VTI1A: variants seen among roughly 807,000 people sequenced by gnomAD.
VTI1A encodes vesicle transport through interaction with t-SNAREs 1A.
A neutral mutation model predicts 34.9 loss-of-function variants in VTI1A; 22 were observed. The ratio of observed to expected loss-of-function variants is 0.63; its 90% CI spans 0.45 to 0.90. The LOEUF (loss-of-function observed/expected upper bound fraction) is 0.90, where lower values mean the gene tolerates loss of function less well. VTI1A is among the 40% of genes least tolerant of loss of function. The probability of loss-of-function intolerance (pLI) is 0.00; values close to 1 mark genes in which losing one functional copy is unlikely to be tolerated. For synonymous variants in VTI1A, 87 were observed against 97.3 expected, an observed-to-expected ratio of 0.89 and a Z score of 0.62; for missense variants, 268 against 275.6, an observed-to-expected ratio of 0.97 and a Z score of 0.20.
chr10:112,656,108 C>T (rs527411307), intron 5 of VTI1A, among the ~76,000 whole-genome samples: 7 of 152,258 alleles, frequency 4.6e-5, no homozygotes, highest in South Asian at 4.2e-4. Context: ...GAAAAGGTCC[C>T]GGTGCCATAG....
At chr10:112,646,911 A>G (rs1179399233) in intron 5 of VTI1A, among the ~76,000 whole-genome samples, 4 of 152,228 alleles carry the variant, frequency 2.6e-5, no homozygotes, top group African/African-American at 9.6e-5. Flanking sequence ...TTCCATTCAT[A>G]TCATTCTACT....
chr10:112,776,939 A>C (rs1851971143), intron 7 of VTI1A, among the ~76,000 whole-genome samples: 1 of 152,066 alleles, frequency 6.6e-6, no homozygotes, highest in Admixed American at 6.6e-5. Context: ...TGGCCTCCCA[A>C]AGTGCTGGGA....
At chr10:112,845,305 G>C in the VTI1A span, among the ~76,000 whole-genome samples, 1 of 152,182 alleles carries the variant, frequency 6.6e-6, no homozygotes, top group Non-Finnish European at 1.5e-5. Context: ...CACAGACCTC[G>C]CCTGCTGATT....
intron 7 of VTI1A, among the ~76,000 whole-genome samples, chr10:112,723,275 C>T (rs910269508): frequency 6.6e-6 from 1 of 152,172 alleles, no homozygotes; most frequent in African/African-American, 2.4e-5. Context: ...AGAAAAAGTG[C>T]TCTTCCCTGT....
At chr10:112,565,606 T>C (rs1296403547) in intron 5 of VTI1A, among the ~76,000 whole-genome samples, 1 of 152,212 alleles carries the variant, frequency 6.6e-6, no homozygotes, top group East Asian at 1.9e-4. Context: ...CGACTGGCTG[T>C]AGTTTGCTCC....
chr10:112,643,347 A>G (rs1314107955), intron 5 of VTI1A, among the ~76,000 whole-genome samples: 1 of 151,992 alleles, frequency 6.6e-6, no homozygotes, highest in Non-Finnish European at 1.5e-5. Flanking sequence ...TGAGACATAT[A>G]AGTCAGTGAT....
intron 5 of VTI1A, among the ~76,000 whole-genome samples, chr10:112,629,073 A>C (rs896405604): frequency 6.6e-5 from 10 of 152,168 alleles, no homozygotes; most frequent in African/African-American, 2.2e-4. Flanking sequence ...CCATGTTGTC[A>C]GTTGAATAGA....
rs143844379 is a variant in VTI1A, at chr10:112,780,273, A to AAAATAAATAAAT, written c.561-34977_561-34966dup. ...GAGACAGAGCAAGACCCTGTCTCTAAAAATAAATAAATAAATAAATAAATA... is the reference window on the plus strand; with the variant it reads ...GAGACAGAGCAAGACCCTGTCTCTAAAAATAAATAAATAAATAAATAAATAAATAAATAAATA... On this transcript the variant is annotated intron_variant, in intron 7 of 7. Transcript: ENST00000393077. Among the ~76,000 whole-genome samples the AAAATAAATAAAT allele has an allele frequency of 5.7e-3, 787 of 138,260 alleles. 6 individuals are homozygous for AAAATAAATAAAT. The highest frequency in any genetic ancestry group is 6.4e-3 in the African/African-American group (234 of 36,580). 90.7% of individuals were successfully genotyped at this position (138,260 alleles called of 152,430 possible).
chr10:112,791,929 C>T (rs147749953), intron 7 of VTI1A, among the ~76,000 whole-genome samples: 25 of 151,236 alleles, frequency 1.7e-4, no homozygotes, highest in Admixed American at 9.2e-4. Flanking sequence ...GCTGGGATTG[C>T]GTAGTTAGAA....
intron 7 of VTI1A, among the ~76,000 whole-genome samples, chr10:112,723,421 C>T (rs1333711292): frequency 6.6e-6 from 1 of 152,182 alleles, no homozygotes; most frequent in African/African-American, 2.4e-5. Flanking sequence ...AGCTTGAACC[C>T]GGTAACCTGT....
intron 7 of VTI1A, among the ~76,000 whole-genome samples, chr10:112,674,913 A>T (rs1237695290): frequency 5.9e-5 from 9 of 152,194 alleles, no homozygotes; most frequent in African/African-American, 1.9e-4. Flanking sequence ...CAAACAGTTG[A>T]GTTTTTGTTA....
At chr10:112,568,063 G>A (rs1480540256) in intron 5 of VTI1A, among the ~76,000 whole-genome samples, 1 of 151,900 alleles carries the variant, frequency 6.6e-6, no homozygotes, top group Non-Finnish European at 1.5e-5. Context: ...TTTCATTTTG[G>A]AGCCCACTGT....
At position 112,588,976 on chromosome 10, in the gene VTI1A, A is replaced by G. The variant is rs1055631692; in HGVS notation, c.427+50646A>G. On this transcript the variant is annotated intron_variant, in intron 5 of 7. Coordinates refer to ENST00000393077, the MANE Select transcript of VTI1A (RefSeq NM_145206.4). ...GTCAAAAGCATCGGTGTCATTTTCT[A>G]TCACCACATTCCCTACATATTTCAA... Among the ~76,000 whole-genome samples, 11 of 147,432 alleles carry G rather than the reference A, an allele frequency of 7.5e-5. No homozygotes were observed. The South Asian group carries it at 2.4e-3, about 32-fold the overall frequency.
intron 3 of VTI1A, among the ~76,000 whole-genome samples, chr10:112,483,025 G>A (rs1564794971): frequency 6.6e-6 from 1 of 152,104 alleles, no homozygotes; most frequent in Non-Finnish European, 1.5e-5. Context: ...AGGCGTAGGA[G>A]AAAATAAAAG....
intron 7 of VTI1A, among the ~76,000 whole-genome samples, chr10:112,700,212 T>G (rs1363944627): frequency 6.7e-6 from 1 of 150,168 alleles, no homozygotes; most frequent in Non-Finnish European, 1.5e-5. Context: ...GACCCAGATA[T>G]CTTAAGAACT....
rs184694757 is a variant in VTI1A, at chr10:112,725,042, C to T, written c.560+56044C>T. On this transcript the variant is annotated intron_variant, in intron 7 of 7. Transcript: ENST00000393077. Reference sequence around the variant, plus strand: ...AACATACAGCATAACTTTTAAAAAACGTAATCACTATTTAGAAATGACTGC... The same window carrying T: ...AACATACAGCATAACTTTTAAAAAATGTAATCACTATTTAGAAATGACTGC... Among the ~76,000 whole-genome samples, 22 of 152,264 alleles carry T rather than the reference C, an allele frequency of 1.4e-4. No individual in the cohort carries two copies. The East Asian group carries it at 2.9e-3, about 20-fold the overall frequency.
At chr10:112,495,854 T>G (rs553538922) in intron 3 of VTI1A, among the ~76,000 whole-genome samples, 5 of 152,212 alleles carry the variant, frequency 3.3e-5, no homozygotes, top group Non-Finnish European at 2.9e-5. Context: ...AATTGAATTA[T>G]GAAAAAAGCT....
intron 7 of VTI1A, among the ~76,000 whole-genome samples, chr10:112,684,009 C>A (rs964109349): frequency 1.3e-5 from 2 of 150,922 alleles, no homozygotes; most frequent in East Asian, 3.9e-4. Context: ...TGCCACTGCA[C>A]GCCAGCCTGA....
chr10:112,748,620 C>CTTTTTTTTTTTTTTTT (rs561301572), intron 7 of VTI1A, among the ~76,000 whole-genome samples: 4 of 104,920 alleles, frequency 3.8e-5, no homozygotes, highest in African/African-American at 1.3e-4. Flanking sequence ...ATTTAGAAAC[C>CTTTTTTTTTTTTTTTT]TTTTTTTTTT....
Sources: allele counts gnomAD v4.1 joint callset (sites outside exome capture counted in the v4.1 genomes callset), GRCh38; gene constraint gnomAD v4.1.1; transcripts MANE v1.5; gene names NCBI Gene and HGNC (gene_info 2026-07-23, HGNC 2026-07-21).